Variants in PHF14 observed in about 807,000 individuals in gnomAD.
PHF14 encodes the protein PHD finger protein 14.
PHF14 carries 55 observed loss-of-function variants against 117.9 expected under a neutral mutation model. That is an observed-to-expected ratio of 0.47 (90% CI 0.38 to 0.58). PHF14 has a LOEUF of 0.58. PHF14 is among the 20% of genes least tolerant of loss of function. The probability of loss-of-function intolerance (pLI) is 0.00; values close to 1 mark genes in which losing one functional copy is unlikely to be tolerated. For missense variants in PHF14, 978 were observed against 1,122.2 expected (o/e 0.87, Z 1.84); for synonymous variants, 409 against 368.6 (o/e 1.11, Z -1.26).
At chr7:11,066,193 A>C (rs1785418910) in intron 16 of PHF14, among the ~76,000 whole-genome samples, 1 of 152,192 alleles carries the variant, frequency 6.6e-6, no homozygotes, top group Admixed American at 6.5e-5. Context: ...TTGTGTCATA[A>C]ATTATTAGGA....
chr7:10,999,999 AAGT>A (rs1197082351), intron 4 of PHF14, among the ~76,000 whole-genome samples: 1 of 152,230 alleles, frequency 6.6e-6, no homozygotes, highest in African/African-American at 2.4e-5. Flanking sequence ...AGAAGGAAGA[AAGT>A]AGAGAAGGAG....
intron 13 of PHF14, among the ~76,000 whole-genome samples, chr7:11,044,897 A>G (rs1427710122): frequency 6.6e-6 from 1 of 152,188 alleles, no homozygotes; most frequent in Non-Finnish European, 1.5e-5. Flanking sequence ...CTACTGGTCG[A>G]GTATCCCAAA....
chr7:11,167,299 T>C (rs1337231641), intron 17 of PHF14, among the ~76,000 whole-genome samples: 3 of 152,208 alleles, frequency 2.0e-5, no homozygotes, highest in Non-Finnish European at 4.4e-5. Context: ...ATAATGGCTG[T>C]TTTGGCTCAT....
chr7:10,988,748 A>G (rs938531211), intron 3 of PHF14, among the ~76,000 whole-genome samples: 2 of 152,144 alleles, frequency 1.3e-5, no homozygotes, highest in African/African-American at 2.4e-5. Flanking sequence ...AGGAAAAGGC[A>G]TTGACCATTT....
intron 2 of PHF14, among the ~76,000 whole-genome samples, chr7:10,980,842 T>C (rs1782023826): frequency 6.6e-6 from 1 of 152,198 alleles, no homozygotes; most frequent in African/African-American, 2.4e-5. Context: ...TGAGAAATTA[T>C]GAATTCTGAA....
intron 7 of PHF14, among the ~76,000 whole-genome samples, chr7:11,034,665 C>T (rs574550835): frequency 5.3e-5 from 8 of 149,892 alleles, no homozygotes; most frequent in Middle Eastern, 3.5e-3. Flanking sequence ...TCTCCTACCT[C>T]AGCCTCCTGA....
chr7:10,986,034 T>C (rs1289426449), intron 3 of PHF14, among the ~76,000 whole-genome samples: 3 of 152,124 alleles, frequency 2.0e-5, no homozygotes, highest in Middle Eastern at 3.2e-3. Flanking sequence ...AGTGGTGTGA[T>C]CATGGCTAAC....
intron 4 of PHF14, among the ~76,000 whole-genome samples, chr7:10,999,690 G>T (rs1782791732): frequency 6.6e-6 from 1 of 152,200 alleles, no homozygotes; most frequent in African/African-American, 2.4e-5. Context: ...CCCTGCTTCA[G>T]ATGAATAGCC....
chr7:11,095,960 A>C (rs550120569), intron 16 of PHF14, among the ~76,000 whole-genome samples: 3 of 152,216 alleles, frequency 2.0e-5, no homozygotes, highest in African/African-American at 7.2e-5. Context: ...CTTTGGGGCT[A>C]TACTCTGAAT....
At chr7:10,975,765 A>T (rs1781841950) in intron 2 of PHF14, among the ~76,000 whole-genome samples, 1 of 152,158 alleles carries the variant, frequency 6.6e-6, no homozygotes. Flanking sequence ...ATTTAAATAA[A>T]ATGAGAAGTA....
chr7:11,014,405 A>T (rs6943233), intron 5 of PHF14, among the ~76,000 whole-genome samples: 3,075 of 152,238 alleles, frequency 0.02, 121 homozygotes, highest in African/African-American at 0.07. Flanking sequence ...CCTGAGGGAG[A>T]TTATCCAAGG....
In PHF14 at chr7:10,982,445, A is replaced by G. The variant is rs1043784455; in HGVS notation, c.186A>G (p.Glu62=). The change falls in exon 3 of 18, where the codon GAA becomes GAG. Residue 62 remains glutamate (E), a synonymous_variant. Transcript: ENST00000634607. ...DSGEGSCSDS[E]ENILEEELNE... ...GAGAAGGTTCCTGTAGTGATTCTGA[A>G]GAAAATATTTTAGAAGAAGAACTGA... The G allele has an allele frequency of 6.3e-7, 1 of 1,594,344 alleles. No individual in the cohort carries two copies. The highest frequency in any genetic ancestry group is 8.6e-7 in the Non-Finnish European group (1 of 1,168,168).
At chr7:10,983,467 C>T (rs1455686114) in intron 3 of PHF14, among the ~76,000 whole-genome samples, 1 of 152,126 alleles carries the variant, frequency 6.6e-6, no homozygotes, top group Non-Finnish European at 1.5e-5. Flanking sequence ...TCCCTTTACT[C>T]CTTTGTTCAC....
chr7:11,160,803 C>G (rs1474405081), intron 17 of PHF14, among the ~76,000 whole-genome samples: 1 of 152,020 alleles, frequency 6.6e-6, no homozygotes, highest in Non-Finnish European at 1.5e-5. Flanking sequence ...CTTGTAGATT[C>G]TGGATGTTAG....
intron 11 of PHF14, 30 bp downstream of exon 11, chr7:11,038,885 C>T: frequency 1.9e-6 from 2 of 1,030,832 alleles, no homozygotes; most frequent in African/African-American, 1.6e-5. Context: ...CTGTCTCCTT[C>T]AGTTCTTGCT....
At chr7:11,016,791 C>A (rs1159411866) in intron 5 of PHF14, among the ~76,000 whole-genome samples, 5 of 152,152 alleles carry the variant, frequency 3.3e-5, no homozygotes, top group Admixed American at 3.3e-4. Context: ...TTTAGTTTTT[C>A]TTGACTGTAG....
At chr7:10,991,130 A>G (rs1430775017) in intron 4 of PHF14, among the ~76,000 whole-genome samples, 2 of 151,478 alleles carry the variant, frequency 1.3e-5, no homozygotes, top group Admixed American at 6.6e-5. Flanking sequence ...AGCTGGGACT[A>G]CAGGCGCCCA....
At chr7:11,002,734 G>T (rs1033864864) in intron 4 of PHF14, among the ~76,000 whole-genome samples, 2 of 151,366 alleles carry the variant, frequency 1.3e-5, no homozygotes, top group African/African-American at 4.9e-5. Flanking sequence ...GTGAGCCACC[G>T]CGCCCGGCCA....
intron 17 of PHF14, among the ~76,000 whole-genome samples, chr7:11,142,252 A>G (rs1726446292): frequency 6.6e-6 from 1 of 152,042 alleles, no homozygotes; most frequent in African/African-American, 2.4e-5. Context: ...AAACTCAGGT[A>G]TCTTCACATT....
Sources: gnomAD v4.1 joint callset for allele counts (sites outside exome capture counted in the v4.1 genomes callset) on GRCh38, gnomAD v4.1.1 for gene constraint, MANE v1.5 for transcripts, NCBI Gene and HGNC (gene_info 2026-07-23, HGNC 2026-07-21) for gene names.